GLIS3: variants seen among roughly 807,000 people sequenced by gnomAD.
GLIS3 encodes zinc finger protein GLIS3.
GLIS3 carries 53 observed loss-of-function variants against 78.6 expected under a neutral mutation model. The observed-to-expected ratio is 0.67, with a 90% CI of 0.54 to 0.85. The LOEUF (loss-of-function observed/expected upper bound fraction) is 0.85. Among genes scored for constraint, GLIS3 ranks in the 40% least tolerant of loss-of-function variants. The pLI is 0.00. For synonymous variants in GLIS3, 684 were observed against 509.9 expected (o/e 1.34, Z -4.60); for missense variants, 1,703 against 1,231.1 (o/e 1.38, Z -5.74).
chr9:4,164,492 G>A (rs974018298), intron 2 of GLIS3, among the ~76,000 whole-genome samples: 1 of 152,174 alleles, frequency 6.6e-6, no homozygotes, highest in Non-Finnish European at 1.5e-5. Context: ...GCACGGAGAC[G>A]ACAGGGATAA....
chr9:4,154,406 AAAC>A (rs1379023693), intron 2 of GLIS3, among the ~76,000 whole-genome samples: 11 of 152,250 alleles, frequency 7.2e-5, no homozygotes, highest in Admixed American at 6.5e-5. Flanking sequence ...ATAAAATGTA[AAAC>A]AACTAAAAGA....
chr9:4,190,304 T>C (rs1254534136), intron 2 of GLIS3, among the ~76,000 whole-genome samples: 1 of 152,070 alleles, frequency 6.6e-6, no homozygotes, highest in Non-Finnish European at 1.5e-5. Context: ...GACGAATGTA[T>C]AACTAGAATA....
upstream of GLIS3, among the ~76,000 whole-genome samples, chr9:4,349,589 T>C (rs1369313497): frequency 6.6e-6 from 1 of 152,140 alleles, no homozygotes; most frequent in Non-Finnish European, 1.5e-5. Context: ...TTAATTTAGA[T>C]TGCATTTACT....
intron 6 of GLIS3, among the ~76,000 whole-genome samples, chr9:3,920,329 C>T (rs960021953): frequency 1.3e-5 from 2 of 152,160 alleles, no homozygotes; most frequent in Admixed American, 6.5e-5. Flanking sequence ...AATATCAAAT[C>T]ACCCTTTCTT....
At chr9:4,019,785 T>C (rs1563954372) in intron 4 of GLIS3, among the ~76,000 whole-genome samples, 1 of 152,106 alleles carries the variant, frequency 6.6e-6, no homozygotes, top group Admixed American at 6.6e-5. Context: ...CAGGCTAGAG[T>C]GCAGTGGGGC....
rs568332483 is a variant in GLIS3 at position 4,060,105 on chromosome 9, G to A, written c.1710+57663C>T. ...GAGCCCATTTGGTAGCCCTGGTAGC[G>A]CATATCAAGCATTTTACTGAAAGAT... On this transcript the variant is annotated intron_variant, in intron 4 of 10. Transcript: ENST00000381971. Among the ~76,000 whole-genome samples, 220 of 152,054 alleles carry A rather than the reference G, an allele frequency of 1.4e-3. 1 individual carries two copies. The highest frequency in any genetic ancestry group is 4.9e-3 in the African/African-American group (205 of 41,490).
At chr9:4,297,226 A>C (rs1170536976) in intron 1 of GLIS3, among the ~76,000 whole-genome samples, 1 of 152,186 alleles carries the variant, frequency 6.6e-6, no homozygotes, top group Non-Finnish European at 1.5e-5. Context: ...ATGACTCATC[A>C]AAGCTTTCAG....
chr9:4,265,012 A>G (rs1350149617), intron 2 of GLIS3, among the ~76,000 whole-genome samples: 1 of 148,094 alleles, frequency 6.8e-6, no homozygotes, highest in Non-Finnish European at 1.5e-5. Flanking sequence ...TAAAAATACA[A>G]AAAAAAAAAA....
chr9:4,348,152 C>G (rs565856528), intron 1 of GLIS3: 1 of 152,132 alleles, frequency 6.6e-6, no homozygotes, highest in Non-Finnish European at 1.5e-5. Flanking sequence ...TCAGAATCAG[C>G]CTAAGTATCT....
At chr9:4,040,499 G>C (rs1377356894) in intron 4 of GLIS3, among the ~76,000 whole-genome samples, 1 of 151,994 alleles carries the variant, frequency 6.6e-6, no homozygotes, top group East Asian at 1.9e-4. Context: ...TCACAAATAA[G>C]GACAATCTGA....
chr9:4,082,628 T>C (rs769937480), intron 4 of GLIS3, among the ~76,000 whole-genome samples: 1 of 152,170 alleles, frequency 6.6e-6, no homozygotes, highest in East Asian at 1.9e-4. Context: ...AATGAATAAC[T>C]CTGCATCAGA....
At chr9:4,262,913 G>C (rs1825657262) in intron 2 of GLIS3, among the ~76,000 whole-genome samples, 1 of 129,090 alleles carries the variant, frequency 7.7e-6, no homozygotes, top group African/African-American at 3.0e-5. Flanking sequence ...GACAGATGTT[G>C]ATTGTTTCAG....
At chr9:4,181,664 T>C (rs72691815) in intron 2 of GLIS3, among the ~76,000 whole-genome samples, 3 of 152,360 alleles carry the variant, frequency 2.0e-5, no homozygotes, top group South Asian at 2.1e-4. Context: ...AATCTATCTA[T>C]ATATTCTTTG....
chr9:4,471,443 A>G, the GLIS3 span, among the ~76,000 whole-genome samples: 7 of 152,342 alleles, frequency 4.6e-5, no homozygotes, highest in East Asian at 1.3e-3. Context: ...GCCCTCAGAA[A>G]TAATACCACA....
chr9:4,130,528 G>A (rs1430914888), intron 2 of GLIS3, among the ~76,000 whole-genome samples: 1 of 152,212 alleles, frequency 6.6e-6, no homozygotes, highest in East Asian at 1.9e-4. Context: ...TGGCTCAAAG[G>A]GGCCCAGGTA....
At chr9:3,963,415 C>A (rs1258392602) in intron 4 of GLIS3, among the ~76,000 whole-genome samples, 1 of 152,136 alleles carries the variant, frequency 6.6e-6, no homozygotes, top group South Asian at 2.1e-4. Flanking sequence ...TGGAGATGTG[C>A]CGCTTGTTCT....
chr9:4,460,013 G>A, the GLIS3 span, among the ~76,000 whole-genome samples: 2 of 152,134 alleles, frequency 1.3e-5, no homozygotes, highest in Non-Finnish European at 2.9e-5. Flanking sequence ...AAAAGTTTGT[G>A]CCGCTAAAGT....
the GLIS3 span, among the ~76,000 whole-genome samples, chr9:4,425,838 A>G: frequency 6.6e-6 from 1 of 152,172 alleles, no homozygotes; most frequent in Non-Finnish European, 1.5e-5. Flanking sequence ...TTCCCTGGGA[A>G]GTTTTACTTG....
chr9:3,915,380 G>A (rs570018532), intron 6 of GLIS3, among the ~76,000 whole-genome samples: 3 of 152,046 alleles, frequency 2.0e-5, no homozygotes, highest in Admixed American at 1.3e-4. Context: ...GGCTGCTCAC[G>A]GTATACAGAT....
Sources: gnomAD v4.1 joint callset for allele counts (sites outside exome capture counted in the v4.1 genomes callset) on GRCh38, gnomAD v4.1.1 for gene constraint, MANE v1.5 for transcripts, NCBI Gene and HGNC (gene_info 2026-07-23, HGNC 2026-07-21) for gene names.